The following PCDH15 variants were observed in gnomAD, a reference collection of about 807,000 sequenced individuals.
PCDH15 encodes the protein protocadherin-15.
A neutral mutation model predicts 178.5 loss-of-function variants in PCDH15; 129 were observed. The observed-to-expected ratio is 0.72, with a 90% CI of 0.63 to 0.84. The LOEUF is 0.84. Ranked by LOEUF, PCDH15 falls within the 40% of genes least tolerant of loss-of-function variation. The probability of loss-of-function intolerance (pLI) is 0.00; values close to 1 mark genes in which losing one functional copy is unlikely to be tolerated. For synonymous variants in PCDH15, 800 were observed against 732.0 expected (o/e 1.09, Z -1.50); for missense variants, 2,230 against 2,099.9 (o/e 1.06, Z -1.21).
intron 3 of PCDH15, among the ~76,000 whole-genome samples, chr10:54,501,348 A>T (rs931945805): frequency 6.6e-6 from 1 of 151,970 alleles, no homozygotes; most frequent in African/African-American, 2.4e-5. Context: ...ATTGGGAAAT[A>T]AAAAAAAGAT....
At chr10:53,902,222 T>G (rs1427123594) in intron 26 of PCDH15, among the ~76,000 whole-genome samples, 1 of 152,138 alleles carries the variant, frequency 6.6e-6, no homozygotes, top group Admixed American at 6.5e-5. Flanking sequence ...GTGATTCAGG[T>G]CAGGGGTCTG....
intron 9 of PCDH15, among the ~76,000 whole-genome samples, chr10:54,215,035 A>G (rs534688975): frequency 6.6e-6 from 1 of 152,358 alleles, no homozygotes; most frequent in East Asian, 1.9e-4. Flanking sequence ...TATAGTATAT[A>G]CATTTGTAAA....
chr10:53,839,202 CAAAAAAA>C, intron 29 of PCDH15, among the ~76,000 whole-genome samples: 1 of 74,598 alleles, frequency 1.3e-5, no homozygotes, highest in Non-Finnish European at 2.5e-5. Context: ...GTCTCCGTCT[CAAAAAAA>C]AAAAAAAAAA....
intron 2 of PCDH15, among the ~76,000 whole-genome samples, chr10:55,548,711 C>G (rs1589130978): frequency 6.6e-6 from 1 of 152,188 alleles, no homozygotes; most frequent in Non-Finnish European, 1.5e-5. Flanking sequence ...TGAGTACTTT[C>G]TGCACAGCAA....
At chr10:55,106,397 A>T (rs1283738709) in intron 2 of PCDH15, among the ~76,000 whole-genome samples, 1 of 152,202 alleles carries the variant, frequency 6.6e-6, no homozygotes, top group African/African-American at 2.4e-5. Flanking sequence ...ATAAATATAC[A>T]TTGCATATAA....
At chr10:54,538,597 T>G (rs2084839648) in intron 2 of PCDH15, among the ~76,000 whole-genome samples, 1 of 152,166 alleles carries the variant, frequency 6.6e-6, no homozygotes, top group African/African-American at 2.4e-5. Context: ...CATCCAAATC[T>G]CATGTCAAAT....
intron 3 of PCDH15, among the ~76,000 whole-genome samples, chr10:54,391,427 C>G (rs1341614296): frequency 6.6e-6 from 1 of 151,880 alleles, no homozygotes. Context: ...TACTATAATA[C>G]TTGGTGTACC....
Position 54,329,675 on chromosome 10 carries a change from A to T in PCDH15, c.626T>A (p.Met209Lys). The T allele has an allele frequency of 3.1e-6, 5 of 1,606,698 alleles. No homozygotes were observed. Among genetic ancestry groups the T allele is most frequent in the Non-Finnish European group, 4.3e-6 (5 of 1,173,588 alleles). ...TSNDTFEIPL[M>K]LTGNIVLRKR... is the part of the protein sequence containing the mutation. ...CCTTAACACTATATTTCCAGTCAAC[A>T]TTAGGGGAATTTCAAAGGTGTCATT... The change falls in exon 7 of 38, where the codon ATG becomes AAG. Residue 209 changes from methionine to lysine, a missense_variant. Met to Lys is a moderately conservative substitution (Grantham distance 95, BLOSUM62 -1). Coordinates refer to ENST00000644397, the MANE Select transcript of PCDH15 (RefSeq NM_001384140.1).
chr10:55,137,622 A>G (rs1251155898), intron 2 of PCDH15, among the ~76,000 whole-genome samples: 2 of 149,234 alleles, frequency 1.3e-5, no homozygotes, highest in Non-Finnish European at 3.0e-5. Context: ...ATTAAGATAT[A>G]TTAATTAGTT....
intron 23 of PCDH15, among the ~76,000 whole-genome samples, chr10:53,945,629 G>A (rs2086478022): frequency 6.6e-6 from 1 of 151,588 alleles, no homozygotes; most frequent in Admixed American, 6.6e-5. Flanking sequence ...AGCTGTTTTA[G>A]ATTCCATATA....
chr10:54,687,093 G>A (rs1050547735), intron 1 of PCDH15, among the ~76,000 whole-genome samples: 1 of 152,046 alleles, frequency 6.6e-6, no homozygotes, highest in Non-Finnish European at 1.5e-5. Context: ...CCTCACACCT[G>A]TCAGTATGGC....
At chr10:55,258,452 G>A (rs948111602) in intron 1 of PCDH15, among the ~76,000 whole-genome samples, 2 of 152,056 alleles carry the variant, frequency 1.3e-5, no homozygotes, top group Non-Finnish European at 2.9e-5. Context: ...GCCTGCTTAG[G>A]TCTTGTCCAA....
intron 4 of PCDH15, 134 bp from the exon 5 acceptor site, chr10:54,369,409 G>A (rs920687372): frequency 5.9e-6 from 5 of 851,210 alleles, no homozygotes; most frequent in Middle Eastern, 3.5e-4. Flanking sequence ...CAAAGAAAAT[G>A]ATCATTTTAA....
chr10:54,423,808 C>T (rs1217941786), intron 3 of PCDH15, among the ~76,000 whole-genome samples: 2 of 151,742 alleles, frequency 1.3e-5, no homozygotes, highest in Non-Finnish European at 2.9e-5. Flanking sequence ...GTGCTCTAGC[C>T]GTATGTAGAA....
chr10:55,483,371 G>T (rs548766016), intron 2 of PCDH15, among the ~76,000 whole-genome samples: 3 of 151,680 alleles, frequency 2.0e-5, no homozygotes, highest in Middle Eastern at 6.3e-3. Context: ...ATTTAGAAAA[G>T]CTCAACATTA....
rs780793135 is a variant in PCDH15 at position 54,189,345 on chromosome 10, C to T, written c.1306-4077G>A. 8.3e-6 allele frequency: 13 copies of T among 1,569,306 alleles called. No individual in the cohort carries two copies. The South Asian group carries it at 1.2e-4, about 14-fold the overall frequency. On this transcript the variant is annotated intron_variant, in intron 11 of 37. Coordinates refer to ENST00000644397, the MANE Select transcript of PCDH15 (RefSeq NM_001384140.1). ...CAATTAACAAAAGAACAATCACAAG[C>T]TTAACACCTAGTACCTACAGGAACT...
intron 13 of PCDH15, 36 bp from the exon 14 acceptor site, chr10:54,153,329 T>G (rs1397488794): frequency 6.2e-7 from 1 of 1,609,368 alleles, no homozygotes; most frequent in Non-Finnish European, 8.5e-7. Flanking sequence ...TCCTCTTGGG[T>G]CTCAACTTTT....
At chr10:54,194,808 CA>C (rs1564649820) in intron 11 of PCDH15, among the ~76,000 whole-genome samples, 1 of 151,986 alleles carries the variant, frequency 6.6e-6, no homozygotes, top group Non-Finnish European at 1.5e-5. Flanking sequence ...TTCACAAACT[CA>C]AAGGAAAATC....
chr10:55,578,373 A>T (rs1842536737), intron 2 of PCDH15, among the ~76,000 whole-genome samples: 1 of 151,940 alleles, frequency 6.6e-6, no homozygotes, highest in Non-Finnish European at 1.5e-5. Context: ...GCCTGCCACC[A>T]AGCCTGGCTA....
Sources: allele counts gnomAD v4.1 joint callset (sites outside exome capture counted in the v4.1 genomes callset), GRCh38; gene constraint gnomAD v4.1.1; transcripts MANE v1.5; gene names NCBI Gene and HGNC (gene_info 2026-07-23, HGNC 2026-07-21).